Variants in NTRK3 observed in about 807,000 individuals in gnomAD.
The protein encoded by NTRK3 is neurotrophic receptor tyrosine kinase 3.
A neutral mutation model predicts 91.7 loss-of-function variants in NTRK3; 24 were observed. That is an observed-to-expected ratio of 0.26 (90% confidence interval 0.19 to 0.37). NTRK3 has a LOEUF of 0.37. Ranked by LOEUF, NTRK3 falls within the 10% of genes least tolerant of loss-of-function variation. The probability of loss-of-function intolerance (pLI) is 1.00; values close to 1 mark genes in which losing one functional copy is unlikely to be tolerated. For synonymous variants in NTRK3, 483 were observed against 404.0 expected (o/e 1.20, Z -2.34); for missense variants, 880 against 1,068.9 (o/e 0.82, Z 2.46).
chr15:88,148,072 T>G (rs2043044468), intron 5 of NTRK3, among the ~76,000 whole-genome samples: 2 of 152,240 alleles, frequency 1.3e-5, no homozygotes, highest in African/African-American at 4.8e-5. Flanking sequence ...AGTTAGACAC[T>G]GCTAGAATTG....
chr15:88,181,927 G>C (rs924800622), intron 5 of NTRK3, among the ~76,000 whole-genome samples: 3 of 152,158 alleles, frequency 2.0e-5, no homozygotes, highest in Non-Finnish European at 4.4e-5. Flanking sequence ...GATGTCAAAA[G>C]CTTTTTCCCT....
intron 13 of NTRK3, among the ~76,000 whole-genome samples, chr15:88,083,860 G>T (rs1187642647): frequency 6.6e-6 from 1 of 152,160 alleles, no homozygotes; most frequent in Non-Finnish European, 1.5e-5. Flanking sequence ...TATTATCACG[G>T]TAGGGAAAGT....
chr15:88,094,544 C>T (rs2049385684), intron 13 of NTRK3, among the ~76,000 whole-genome samples: 1 of 151,644 alleles, frequency 6.6e-6, no homozygotes. Flanking sequence ...AAAGCAGACC[C>T]CTCCCACCCT....
chr15:87,931,272 C>T (rs2068773295), intron 16 of NTRK3: 1 of 515,106 alleles, frequency 1.9e-6, no homozygotes, highest in South Asian at 1.4e-5. Flanking sequence ...AAAAGTAGGG[C>T]ATGCCCTTTG....
At chr15:88,151,271 G>A (rs1242797473) in intron 5 of NTRK3, among the ~76,000 whole-genome samples, 1 of 152,056 alleles carries the variant, frequency 6.6e-6, no homozygotes, top group Non-Finnish European at 1.5e-5. Flanking sequence ...CTGCAAAACT[G>A]GCCCTCTCAC....
intron 3 of NTRK3, among the ~76,000 whole-genome samples, chr15:88,224,040 G>A (rs910777045): frequency 3.9e-5 from 6 of 152,196 alleles, no homozygotes; most frequent in Admixed American, 1.3e-4. Context: ...AGGAAGGCCC[G>A]GGGCCGGAGA....
chr15:87,892,292 T>C (rs896536890), intron 17 of NTRK3, among the ~76,000 whole-genome samples: 5 of 152,182 alleles, frequency 3.3e-5, no homozygotes, highest in Non-Finnish European at 7.3e-5. Context: ...TTTCAATTAT[T>C]TTCAAACGAC....
chr15:88,029,869 G>T (rs2078372906), intron 14 of NTRK3, among the ~76,000 whole-genome samples: 1 of 152,144 alleles, frequency 6.6e-6, no homozygotes, highest in South Asian at 2.1e-4. Flanking sequence ...CCTGCTGCTG[G>T]CTCAGCCAGT....
intron 17 of NTRK3, among the ~76,000 whole-genome samples, chr15:87,918,327 C>A (rs955045915): frequency 3.9e-5 from 6 of 152,234 alleles, no homozygotes; most frequent in African/African-American, 1.4e-4. Context: ...ACTACCTAAG[C>A]CAAAATAGTT....
chr15:88,130,213 A>G (rs936851103), intron 10 of NTRK3, among the ~76,000 whole-genome samples: 34 of 152,246 alleles, frequency 2.2e-4, no homozygotes, highest in Admixed American at 1.9e-3. Flanking sequence ...AGAACAAAAT[A>G]AATATCCATG....
At chr15:88,059,636 T>G (rs12915487) in intron 13 of NTRK3, among the ~76,000 whole-genome samples, 48,907 of 151,960 alleles carry the variant, frequency 0.32, 7,999 homozygotes, top group African/African-American at 0.36. Flanking sequence ...CCATTTTCCA[T>G]AACACCCATC....
intron 17 of NTRK3, among the ~76,000 whole-genome samples, chr15:87,887,721 G>T (rs1237102553): frequency 6.6e-6 from 1 of 151,942 alleles, no homozygotes; most frequent in Non-Finnish European, 1.5e-5. Flanking sequence ...TACGTCCCAT[G>T]GTAAAACTTA....
intron 13 of NTRK3, among the ~76,000 whole-genome samples, chr15:88,059,124 A>T (rs1214471038): frequency 6.6e-6 from 1 of 152,086 alleles, no homozygotes; most frequent in Non-Finnish European, 1.5e-5. Context: ...GAAAAGAGAA[A>T]ATCTTCCAGC....
chr15:87,903,226 C>T (rs1299984857), intron 17 of NTRK3, among the ~76,000 whole-genome samples: 2 of 152,194 alleles, frequency 1.3e-5, no homozygotes, highest in African/African-American at 4.8e-5. Flanking sequence ...AGACAGGAGG[C>T]GGTGTCACAA....
At chr15:88,011,957 C>T (rs1016475274) in intron 14 of NTRK3, among the ~76,000 whole-genome samples, 2 of 152,170 alleles carry the variant, frequency 1.3e-5, no homozygotes, top group African/African-American at 2.4e-5. Context: ...CCTCATTTAA[C>T]ACACACGAAG....
At chr15:88,076,276 A>G (rs2047536570) in intron 13 of NTRK3, among the ~76,000 whole-genome samples, 1 of 152,170 alleles carries the variant, frequency 6.6e-6, no homozygotes, top group South Asian at 2.1e-4. Flanking sequence ...ATTCACTATC[A>G]TAAGACCAGC....
intron 14 of NTRK3, among the ~76,000 whole-genome samples, chr15:87,992,275 T>C (rs2141505208): frequency 6.6e-6 from 1 of 152,296 alleles, no homozygotes; most frequent in African/African-American, 2.4e-5. Context: ...TCACACTCTC[T>C]TGTTCACATA....
At chr15:87,925,441 G>GCACACA (rs61582719) in intron 17 of NTRK3, 3,847 of 180,316 alleles carry the variant, frequency 0.021, 24 homozygotes, top group Middle Eastern at 0.036. Flanking sequence ...ACACGTGTAT[G>GCACACA]CACACACACA....
intron 3 of NTRK3, among the ~76,000 whole-genome samples, chr15:88,200,388 G>A (rs2048198954): frequency 6.6e-6 from 1 of 152,164 alleles, no homozygotes; most frequent in South Asian, 2.1e-4. Context: ...GGTGTTCCTG[G>A]AGAGATTTCC....
Sources: gnomAD v4.1 joint callset for allele counts (sites outside exome capture counted in the v4.1 genomes callset) on GRCh38, gnomAD v4.1.1 for gene constraint, MANE v1.5 for transcripts, NCBI Gene and HGNC (gene_info 2026-07-23, HGNC 2026-07-21) for gene names.